The following CCNT1 variants were observed in gnomAD, a reference collection of about 807,000 sequenced individuals.
CCNT1 encodes cyclin T1, also known as cyclin-T1.
In CCNT1, 18 loss-of-function variants were observed where a neutral mutation model predicts 67.3. The observed-to-expected ratio is 0.27, with a 90% confidence interval of 0.18 to 0.40. The LOEUF is 0.40. Among genes scored for constraint, CCNT1 ranks in the 10% least tolerant of loss-of-function variants. The probability of loss-of-function intolerance (pLI) is 1.00; values close to 1 mark genes in which losing one functional copy is unlikely to be tolerated. For missense variants in CCNT1, 744 were observed against 884.9 expected, an observed-to-expected ratio of 0.84 and a Z score of 2.02; for synonymous variants, 333 against 310.3, an observed-to-expected ratio of 1.07 and a Z score of -0.77.
intron 6 of CCNT1, chr12:48,697,851 A>ATATAT (rs1391600626): frequency 2.0e-5 from 2 of 99,452 alleles, no homozygotes; most frequent in African/African-American, 7.0e-5. Flanking sequence ...AAAAAAAAAA[A>ATATAT]AAAAATATAT....
rs778237254 is a variant in CCNT1, at chr12:48,693,155, A to G, written c.2059T>C (p.Tyr687His). 6.2e-7 allele frequency: 1 copy of G among 1,614,174 alleles called. No homozygotes were observed. Among genetic ancestry groups the G allele is most frequent in the Non-Finnish European group, 8.5e-7 (1 of 1,180,016 alleles). ...GACCGAGGATTCAGATAGTCACTAT[A>G]AGGACGAACAAATTCAAATGCAGTG... is the stretch of plus-strand genomic sequence containing the variant. ...QPTAFEFVRP[Y>H]SDYLNPRSGG... Residue 687 changes from tyrosine (Y) to histidine (H), a missense_variant, in exon 9 of 9, where the codon TAT (tyrosine) becomes CAT (histidine). By Grantham distance (83) the Tyr-to-His change is moderately conservative. Coordinates refer to ENST00000261900, the MANE Select transcript of CCNT1 (RefSeq NM_001240.4).
Position 48,716,655 on chromosome 12 carries a change from G to GTTC in CCNT1, c.18_20dup (p.Lys6dup). ...GAGTGAAATACCACCGTTTGTTGTT[G>GTTC]TTCTTCCTCTCTCCCTCCATAGTGC... On this transcript the variant is annotated inframe_insertion, in exon 1 of 9. Transcript: ENST00000261900. The GTTC allele has an allele frequency of 2.5e-6, 4 of 1,614,160 alleles. No homozygotes were observed.
Position 48,714,484 on chromosome 12 carries a change from G to T in CCNT1, c.202C>A (p.Arg68=). The part of the protein sequence containing the change: ...TINTAIVYMH[R]FYMIQSFTQF... ...GTGAAGGACTGAATCATGTAGAATC[G>T]ATGCATGTATACTATAGCAGTGTTG... Residue 68 remains arginine (R), a synonymous_variant, in exon 2 of 9, where the codon CGA becomes AGA. Transcript: ENST00000261900. The T allele has an allele frequency of 6.2e-7, 1 of 1,610,824 alleles. No individual in the cohort carries two copies. Among genetic ancestry groups the T allele is most frequent in the South Asian group, 1.1e-5 (1 of 90,982 alleles).
At chr12:48,695,120 G>A (rs777601761) in intron 8 of CCNT1, among the ~76,000 whole-genome samples, 13 of 152,092 alleles carry the variant, frequency 8.5e-5, no homozygotes, top group East Asian at 1.9e-4. Context: ...CACCATGCCC[G>A]GCCTCTCAAG....
rs1378703148 is a variant in CCNT1 at position 48,696,131 on chromosome 12, T to G, written c.574A>C (p.Thr192Pro). ...LHLTTFSLQY[T>P]PPVVACVCIH... ...CAGACACAGGCCACCACAGGAGGTG[T>G]GTACTGCAGGCTAAATGTGGTCAAA... The change falls in exon 7 of 9, where the codon ACA becomes CCA. Residue 192 changes from threonine (T) to proline (P), a missense_variant. This residue lies in a region of CCNT1 where 142 missense variants were observed against 277.0 expected (regional missense o/e 0.51). Coordinates refer to ENST00000261900, the MANE Select transcript of CCNT1 (RefSeq NM_001240.4). 5.0e-6 allele frequency: 8 copies of G among 1,611,206 alleles called. No homozygotes were observed. In the South Asian group the frequency reaches 7.7e-5, roughly 15 times the overall value.
chr12:48,714,089 G>C (rs1565622465), intron 2 of CCNT1, among the ~76,000 whole-genome samples: 1 of 152,010 alleles, frequency 6.6e-6, no homozygotes. Context: ...TTGATATTTT[G>C]TAGAAATGAG....
At chr12:48,709,875 T>C (rs922119122) in intron 2 of CCNT1, among the ~76,000 whole-genome samples, 4 of 152,010 alleles carry the variant, frequency 2.6e-5, no homozygotes, top group African/African-American at 9.7e-5. Context: ...GAATTTATTA[T>C]AATATCTTTG....
At chr12:48,700,425 G>A (rs928958240) in intron 4 of CCNT1, among the ~76,000 whole-genome samples, 2 of 151,052 alleles carry the variant, frequency 1.3e-5, no homozygotes, top group South Asian at 2.1e-4. Context: ...TTGTGTCTAC[G>A]CCAATAACTT....
chr12:48,702,486 TTAAAAAA>T (rs1339243893), intron 3 of CCNT1, among the ~76,000 whole-genome samples: 1 of 152,168 alleles, frequency 6.6e-6, no homozygotes, highest in African/African-American at 2.4e-5. Context: ...TTTTAGACAG[TTAAAAAA>T]TAAAGAATGG....
intron 2 of CCNT1, among the ~76,000 whole-genome samples, chr12:48,710,764 T>A (rs533957336): frequency 3.7e-4 from 57 of 152,306 alleles, no homozygotes; most frequent in Non-Finnish European, 5.9e-4. Flanking sequence ...GCTTAACAGA[T>A]AAGAAATAAA....
chr12:48,699,870 CTATT>C, intron 4 of CCNT1, 30 bp from the exon 5 acceptor site: 1 of 1,396,778 alleles, frequency 7.2e-7, no homozygotes, highest in Non-Finnish European at 1.0e-6. Context: ...GATTAAAAAA[CTATT>C]AAGAAGTTTA....
At chr12:48,702,880 G>A (rs1940294113) in intron 3 of CCNT1, among the ~76,000 whole-genome samples, 1 of 152,120 alleles carries the variant, frequency 6.6e-6, no homozygotes, top group Non-Finnish European at 1.5e-5. Context: ...AACACTTTGG[G>A]AGGCCAGTAT....
At chr12:48,716,481 A>C (rs1940535072) in intron 1 of CCNT1, 34 bp downstream of exon 1, 1 of 1,565,626 alleles carries the variant, frequency 6.4e-7, no homozygotes, top group African/African-American at 1.4e-5. Context: ...GGCGGGACCA[A>C]CTCCAAGGCC....
At chr12:48,702,987 G>A in intron 3 of CCNT1, among the ~76,000 whole-genome samples, 1 of 151,864 alleles carries the variant, frequency 6.6e-6, no homozygotes, top group Non-Finnish European at 1.5e-5. Flanking sequence ...TGGGAGTGGT[G>A]GCACGCAGCT....
Position 48,692,032 on chromosome 12 carries a change from A to G in CCNT1, c.*1001T>C, listed in dbSNP as rs1940082996. On this transcript the variant is annotated 3_prime_UTR_variant, in exon 9 of 9. Coordinates refer to ENST00000261900, the MANE Select transcript of CCNT1 (RefSeq NM_001240.4). ...TTCCCAAAGCCTCACTTGAAAAAAA[A>G]GACACACCCAATTCTGTAGGGCAGA... 1.3e-5 allele frequency: 2 copies of G among 152,156 alleles called. No homozygotes were observed. The highest frequency in any genetic ancestry group is 2.9e-5 in the Non-Finnish European group (2 of 68,048). The allele number at this position is 152,156 out of a possible 1,614,324, so 9.4% of individuals were successfully genotyped here. A position where few individuals can be genotyped will look rare whatever the true frequency, so the allele number is the denominator to read the frequency against.
intron 2 of CCNT1, among the ~76,000 whole-genome samples, chr12:48,707,048 C>A (rs1178774376): frequency 6.6e-6 from 1 of 152,078 alleles, no homozygotes; most frequent in African/African-American, 2.4e-5. Context: ...TCTCCATACA[C>A]ATACGGAAAA....
In CCNT1 at chr12:48,699,687, A is replaced by T. The variant is rs375819893; in HGVS notation, c.496+91T>A. ...CCAAGTAGGCCTTTAAATTTAGCCA[A>T]AGCAGAACTATTATGTATTGTCCAC... On this transcript the variant is annotated intron_variant, in intron 5 of 8. Transcript: ENST00000261900. 3.9e-3 allele frequency: 3,187 copies of T among 817,632 alleles called. 123 individuals are homozygous for T. The South Asian group carries it at 0.054, about 14-fold the overall frequency. 50.6% of individuals were successfully genotyped at this position (817,632 alleles called of 1,614,324 possible). A position where few individuals can be genotyped will look rare whatever the true frequency, so the allele number is the denominator to read the frequency against.
chr12:48,692,214 A>G lies in CCNT1; in HGVS notation c.*819T>C, dbSNP rs1940086531. The G allele has an allele frequency of 6.6e-6, 1 of 152,246 alleles. No homozygotes were observed. Among genetic ancestry groups the G allele is most frequent in the Non-Finnish European group, 1.5e-5 (1 of 68,042 alleles). The allele number at this position is 152,246 out of a possible 1,614,324, so 9.4% of individuals were successfully genotyped here. The stretch of plus-strand genomic sequence containing the variant: ...CAAATTAGAGGGCTACTACTCAATT[A>G]TAACATAAAGAAAGGGAAAAATACC... On this transcript the variant is annotated 3_prime_UTR_variant, in exon 9 of 9. Transcript: ENST00000261900.
At chr12:48,712,687 C>A (rs974270664) in intron 2 of CCNT1, among the ~76,000 whole-genome samples, 10 of 139,870 alleles carry the variant, frequency 7.1e-5, no homozygotes, top group Non-Finnish European at 1.5e-4. Context: ...CACCTGTAAT[C>A]CCAACACTTT....
Sources: allele counts gnomAD v4.1 joint callset (sites outside exome capture counted in the v4.1 genomes callset), GRCh38; gene constraint gnomAD v4.1.1; regional missense constraint gnomAD v4.1.1; transcripts MANE v1.5; gene names NCBI Gene and HGNC (gene_info 2026-07-23, HGNC 2026-07-21).